The following ZNF131 variants were observed in gnomAD, a reference collection of about 807,000 sequenced individuals.
ZNF131 encodes the protein zinc finger protein 131.
A neutral mutation model predicts 60.0 loss-of-function variants in ZNF131; 7 were observed. The ratio of observed to expected loss-of-function variants is 0.12; its 90% CI spans 0.07 to 0.22. ZNF131 has a LOEUF of 0.22. Among genes scored for constraint, ZNF131 ranks in the 10% least tolerant of loss-of-function variants. ZNF131 has a pLI of 1.00. For synonymous variants in ZNF131, 257 were observed against 253.2 expected, an observed-to-expected ratio of 1.01 and a Z score of -0.14; for missense variants, 493 against 740.9, an observed-to-expected ratio of 0.67 and a Z score of 3.88.
chr5:43,133,706 T>C (rs1745657438), intron 3 of ZNF131, among the ~76,000 whole-genome samples: 1 of 152,240 alleles, frequency 6.6e-6, no homozygotes, highest in African/African-American at 2.4e-5. Context: ...CATTTATGCC[T>C]GAAATTGTAA....
At chr5:43,142,440 A>C (rs1426052642) in intron 4 of ZNF131, among the ~76,000 whole-genome samples, 1 of 148,744 alleles carries the variant, frequency 6.7e-6, no homozygotes, top group African/African-American at 2.5e-5. Flanking sequence ...AGTAGCTGTG[A>C]TTACAGGCTT....
At chr5:43,131,228 A>C (rs1418639472) in intron 3 of ZNF131, among the ~76,000 whole-genome samples, 1 of 151,762 alleles carries the variant, frequency 6.6e-6, no homozygotes, top group South Asian at 2.1e-4. Flanking sequence ...GCTGGAGTGC[A>C]AAGGTGCAAT....
At chr5:43,148,741 T>C (rs980582699) in intron 4 of ZNF131, among the ~76,000 whole-genome samples, 1 of 152,226 alleles carries the variant, frequency 6.6e-6, no homozygotes, top group Non-Finnish European at 1.5e-5. Context: ...TTAATATTTT[T>C]AAAACTTTAA....
At chr5:43,168,823 C>A (rs373584468) in intron 5 of ZNF131, among the ~76,000 whole-genome samples, 2 of 152,112 alleles carry the variant, frequency 1.3e-5, no homozygotes, top group African/African-American at 4.8e-5. Context: ...CATTAGGTAG[C>A]CTGGATCAAT....
chr5:43,161,214 A>G (rs781221920), intron 4 of ZNF131, 35 bp from the exon 5 acceptor site: 50 of 1,530,364 alleles, frequency 3.3e-5, no homozygotes, highest in South Asian at 3.9e-5. Context: ...GGATCTTCTT[A>G]TAGATTTTTT....
intron 3 of ZNF131, among the ~76,000 whole-genome samples, chr5:43,128,080 T>C (rs1049852354): frequency 6.6e-6 from 1 of 152,220 alleles, no homozygotes; most frequent in Non-Finnish European, 1.5e-5. Flanking sequence ...TTTACTCCTT[T>C]CTAAGCATTT....
In ZNF131 at chr5:43,140,645, T is replaced by C. The variant is rs556853671; in HGVS notation, c.371+1336T>C. Among the ~76,000 whole-genome samples, 5 of 152,360 alleles carry C rather than the reference T, an allele frequency of 3.3e-5. No individual in the cohort carries two copies. The South Asian group carries it at 1.0e-3, about 32-fold the overall frequency. On this transcript the variant is annotated intron_variant, in intron 4 of 6. Coordinates refer to ENST00000682664, the MANE Select transcript of ZNF131 (RefSeq NM_001330707.2). Reference sequence around the variant, plus strand: ...CAGTTTCACATAGCGGCACAATGATTTAATCTTAACTCACTGTTGTGGTTT... The same window carrying C: ...CAGTTTCACATAGCGGCACAATGATCTAATCTTAACTCACTGTTGTGGTTT...
intron 4 of ZNF131, among the ~76,000 whole-genome samples, chr5:43,159,438 A>T (rs1203390851): frequency 6.6e-6 from 1 of 152,122 alleles, no homozygotes; most frequent in African/African-American, 2.4e-5. Flanking sequence ...TCTTACCGGT[A>T]ATTCCAGCAC....
At chr5:43,130,821 C>T (rs1745247706) in intron 3 of ZNF131, among the ~76,000 whole-genome samples, 1 of 152,032 alleles carries the variant, frequency 6.6e-6, no homozygotes, top group Non-Finnish European at 1.5e-5. Flanking sequence ...CTGCCTCGGC[C>T]TCCCAGAGTG....
chr5:43,148,762 T>C (rs1747930918), intron 4 of ZNF131, among the ~76,000 whole-genome samples: 1 of 152,230 alleles, frequency 6.6e-6, no homozygotes, highest in African/African-American at 2.4e-5. Context: ...TAAGGTATAA[T>C]ATAAGCTGCA....
intron 4 of ZNF131, among the ~76,000 whole-genome samples, chr5:43,155,190 G>A (rs1299437617): frequency 6.6e-6 from 1 of 152,150 alleles, no homozygotes; most frequent in Non-Finnish European, 1.5e-5. Context: ...TGATGGCTGA[G>A]GGGGCCCACT....
intron 4 of ZNF131, among the ~76,000 whole-genome samples, chr5:43,160,700 T>TG (rs1561435039): frequency 3.5e-5 from 4 of 113,880 alleles, no homozygotes; most frequent in Non-Finnish European, 7.5e-5. Context: ...TTTTTTTTTT[T>TG]GAGACAGAGT....
intron 5 of ZNF131, among the ~76,000 whole-genome samples, chr5:43,164,399 G>GC (rs1750107673): frequency 6.6e-6 from 1 of 152,178 alleles, no homozygotes; most frequent in Admixed American, 6.5e-5. Flanking sequence ...TTGGTCCTTA[G>GC]AAAACGAATA....
chr5:43,154,329 A>G (rs1748693435), intron 4 of ZNF131, among the ~76,000 whole-genome samples: 1 of 152,010 alleles, frequency 6.6e-6, no homozygotes, highest in Non-Finnish European at 1.5e-5. Context: ...CAGGGGAATT[A>G]CTTGAACCAG....
intron 5 of ZNF131, among the ~76,000 whole-genome samples, chr5:43,162,669 C>T (rs902645202): frequency 4.1e-4 from 62 of 151,116 alleles, no homozygotes; most frequent in African/African-American, 1.5e-3. Flanking sequence ...TTTGGGAGGC[C>T]GAGGCGGGTG....
chr5:43,154,202 A>G (rs1279946424), intron 4 of ZNF131, among the ~76,000 whole-genome samples: 3 of 152,122 alleles, frequency 2.0e-5, no homozygotes, highest in Non-Finnish European at 4.4e-5. Context: ...GTCTGAGGTC[A>G]GGAGTTTGAG....
rs115584519 is a variant in ZNF131, at chr5:43,168,975, C to G, written c.1055-4343C>G. Reference sequence around the variant, plus strand: ...AAACAGATGGGGAAGGAGGGAAATACCAGACATGTTGACAGATACACCTGT... The same window carrying G: ...AAACAGATGGGGAAGGAGGGAAATAGCAGACATGTTGACAGATACACCTGT... On this transcript the variant is annotated intron_variant, in intron 5 of 6. Transcript: ENST00000682664. Among the ~76,000 whole-genome samples, 658 of 152,250 alleles carry G rather than the reference C, an allele frequency of 4.3e-3. 1 individual carries two copies. Among genetic ancestry groups the G allele is most frequent in the African/African-American group, 0.015 (631 of 41,544 alleles).
At chr5:43,173,153 G>GC in intron 5 of ZNF131, 165 bp from the exon 6 acceptor site, 1 of 663,376 alleles carries the variant, frequency 1.5e-6, no homozygotes, top group South Asian at 3.4e-5. Context: ...GCTACCTCTA[G>GC]AAAAGTCTTT....
At chr5:43,173,919 GA>G (rs1488902295) in intron 6 of ZNF131, among the ~76,000 whole-genome samples, 1 of 152,124 alleles carries the variant, frequency 6.6e-6, no homozygotes, top group Non-Finnish European at 1.5e-5. Flanking sequence ...AGGCAGTATT[GA>G]AATGTTTCTC....
Sources: allele counts gnomAD v4.1 joint callset (sites outside exome capture counted in the v4.1 genomes callset), GRCh38; gene constraint gnomAD v4.1.1; transcripts MANE v1.5; gene names NCBI Gene and HGNC (gene_info 2026-07-23, HGNC 2026-07-21).